FBXO25: variants seen among roughly 807,000 people sequenced by gnomAD.
FBXO25 encodes F-box only protein 25.
Under a neutral mutation model 51.9 loss-of-function variants are expected in FBXO25, and 45 were observed. The ratio of observed to expected loss-of-function variants is 0.87; its 90% CI spans 0.68 to 1.11. FBXO25 has a LOEUF of 1.11. Ranked by LOEUF, FBXO25 falls within the 50% of genes most tolerant of loss-of-function variation. The pLI is 0.00. For missense variants in FBXO25, 507 were observed against 428.5 expected (o/e 1.18, Z -1.62); for synonymous variants, 199 against 151.0 (o/e 1.32, Z -2.33).
chr8:449,600 G>C (rs1288253653), intron 5 of FBXO25, among the ~76,000 whole-genome samples: 2 of 152,200 alleles, frequency 1.3e-5, no homozygotes, highest in Non-Finnish European at 2.9e-5. Context: ...TATGGGCTTA[G>C]GTTGTGAAAA....
At chr8:415,441 T>G (rs1397739259) in intron 2 of FBXO25, among the ~76,000 whole-genome samples, 1 of 152,224 alleles carries the variant, frequency 6.6e-6, no homozygotes, top group East Asian at 1.9e-4. Flanking sequence ...AAACATAGTT[T>G]GATAGACAGA....
intron 5 of FBXO25, among the ~76,000 whole-genome samples, chr8:441,094 C>T (rs1347121892): frequency 1.3e-5 from 2 of 149,928 alleles, no homozygotes; most frequent in South Asian, 2.2e-4. Context: ...ATCTTTTCAT[C>T]ATACTACCTG....
chr8:456,656 C>G (rs1799454012), intron 7 of FBXO25, among the ~76,000 whole-genome samples: 1 of 152,154 alleles, frequency 6.6e-6, no homozygotes, highest in Non-Finnish European at 1.5e-5. Flanking sequence ...TCCATGAAAG[C>G]TTCATGTCCA....
At chr8:440,836 TGTTTG>T (rs1798383592) in intron 5 of FBXO25, among the ~76,000 whole-genome samples, 1 of 141,782 alleles carries the variant, frequency 7.1e-6, no homozygotes, top group East Asian at 2.1e-4. Context: ...GAACATGTGG[TGTTTG>T]GTTTTCTGTT....
At chr8:411,093 G>A (rs1796460759) in intron 1 of FBXO25, among the ~76,000 whole-genome samples, 1 of 152,044 alleles carries the variant, frequency 6.6e-6, no homozygotes, top group Non-Finnish European at 1.5e-5. Flanking sequence ...TCTCCATGAT[G>A]TAAATATTCT....
Position 435,534 on chromosome 8 carries a change from T to C in FBXO25, c.289-81T>C, listed in dbSNP as rs915656318. 113 of 1,435,860 alleles carry C rather than the reference T, an allele frequency of 7.9e-5. 1 individual carries two copies. Among genetic ancestry groups the C allele is most frequent in the East Asian group, 6.0e-4 (25 of 41,674 alleles). The allele number at this position is 1,435,860 out of a possible 1,614,324, so 88.9% of individuals were successfully genotyped here. On this transcript the variant is annotated intron_variant, in intron 4 of 9. Coordinates refer to ENST00000350302, the MANE Select transcript of FBXO25 (RefSeq NM_183420.2). ...AAATTGTCCTTTGCCAAAAATTTTT[T>C]TAATCGCACAATTAATTGACATTAA...
rs941694610 is a variant in FBXO25 at position 475,302 on chromosome 8, T to C, written c.*6498T>C. On this transcript the variant is annotated 3_prime_UTR_variant, in exon 10 of 10. Coordinates refer to ENST00000350302, the MANE Select transcript of FBXO25 (RefSeq NM_183420.2). ...TGCTATTCTGTTCCATTGGTCTACA[T>C]GACTGTCTTTGTTTCAATACAACAC... The C allele has an allele frequency of 1.6e-5, 3 of 185,608 alleles. No homozygotes were observed. The highest frequency in any genetic ancestry group is 5.6e-5 in the Admixed American group (1 of 17,722). The allele number at this position is 185,608 out of a possible 1,614,324, so 11.5% of individuals were successfully genotyped here. A position where few individuals can be genotyped will look rare whatever the true frequency, so the allele number is the denominator to read the frequency against.
At chr8:427,624 T>G (rs10089646) in intron 2 of FBXO25, among the ~76,000 whole-genome samples, 7 of 140,046 alleles carry the variant, frequency 5.0e-5, no homozygotes, top group African/African-American at 1.9e-4. Flanking sequence ...ATCAAGGGCT[T>G]GGCAGGGTTG....
chr8:412,816 A>G (rs5000148), intron 1 of FBXO25, among the ~76,000 whole-genome samples: 1 of 152,044 alleles, frequency 6.6e-6, no homozygotes, highest in East Asian at 1.9e-4. Context: ...GGTATGAGCT[A>G]GAATGTCACC....
intron 1 of FBXO25, chr8:407,403 C>T (rs1386053271): frequency 1.0e-6 from 1 of 984,402 alleles, no homozygotes; most frequent in Non-Finnish European, 1.2e-6. Flanking sequence ...CGATGGGCCG[C>T]GGGCGCGTCA....
intron 2 of FBXO25, among the ~76,000 whole-genome samples, chr8:415,859 A>C (rs1032584140): frequency 1.4e-4 from 22 of 152,198 alleles, no homozygotes; most frequent in African/African-American, 5.3e-4. Flanking sequence ...ATCTTTAAGA[A>C]TTTCTAACCT....
In FBXO25 at chr8:418,260, G is replaced by A. The variant is rs190871900; in HGVS notation, c.134+5047G>A. Among the ~76,000 whole-genome samples the A allele has an allele frequency of 8.6e-5, 13 of 151,118 alleles. 1 individual carries two copies. The highest frequency in any genetic ancestry group is 1.9e-4 in the African/African-American group (8 of 41,226). On this transcript the variant is annotated intron_variant, in intron 2 of 9. Coordinates refer to ENST00000350302, the MANE Select transcript of FBXO25 (RefSeq NM_183420.2). ...TTGTAATTACTTTAACTAGTTTGGT[G>A]GGCAAAAAACATTAGACATTTTATT...
At chr8:419,176 A>G (rs1303670135) in intron 2 of FBXO25, among the ~76,000 whole-genome samples, 2 of 151,930 alleles carry the variant, frequency 1.3e-5, no homozygotes, top group East Asian at 1.9e-4. Flanking sequence ...CCCGGCCAAC[A>G]TGGTGAAACC....
intron 2 of FBXO25, among the ~76,000 whole-genome samples, chr8:428,687 C>T (rs1202043786): frequency 2.0e-5 from 3 of 152,242 alleles, no homozygotes; most frequent in East Asian, 3.9e-4. Flanking sequence ...CCCCATTAAA[C>T]GCTAACTTTT....
intron 8 of FBXO25, 22 bp from the exon 9 acceptor site, chr8:462,985 G>A: frequency 1.9e-6 from 3 of 1,592,848 alleles, no homozygotes; most frequent in Non-Finnish European, 2.6e-6. Context: ...TGCGGATTCT[G>A]AATGGAGTTT....
At chr8:408,147 T>A (rs1425649933) in intron 1 of FBXO25, among the ~76,000 whole-genome samples, 1 of 152,218 alleles carries the variant, frequency 6.6e-6, no homozygotes, top group Non-Finnish European at 1.5e-5. Flanking sequence ...TGCCATTTTT[T>A]AAAATGTCCT....
chr8:422,991 G>T (rs1042340076), intron 2 of FBXO25, among the ~76,000 whole-genome samples: 1 of 142,318 alleles, frequency 7.0e-6, no homozygotes, highest in African/African-American at 2.6e-5. Context: ...GCTCCATTTG[G>T]AATTTATCTT....
intron 7 of FBXO25, among the ~76,000 whole-genome samples, chr8:457,641 C>T (rs1799533307): frequency 6.6e-6 from 1 of 152,346 alleles, no homozygotes; most frequent in Non-Finnish European, 1.5e-5. Context: ...AATAATTATA[C>T]ATCCTTTACT....
rs142339804 is a variant in FBXO25 at position 433,351 on chromosome 8, C to T, written c.288+416C>T. On this transcript the variant is annotated intron_variant, in intron 4 of 9. Transcript: ENST00000350302. ...TGAGTCTACAGCAGGGTTATTTAAA[C>T]CAAGCATGGACTCCTGCAGTCATAC... is the stretch of plus-strand genomic sequence containing the variant. 4.0e-3 allele frequency among the ~76,000 whole-genome samples: 606 copies of T among 152,218 alleles called. 5 individuals are homozygous for T. Among genetic ancestry groups the T allele is most frequent in the African/African-American group, 0.014 (578 of 41,512 alleles).
Sources: allele counts gnomAD v4.1 joint callset (sites outside exome capture counted in the v4.1 genomes callset), GRCh38; gene constraint gnomAD v4.1.1; transcripts MANE v1.5; gene names NCBI Gene and HGNC (gene_info 2026-07-23, HGNC 2026-07-21).